The following SBF1 variants were observed in gnomAD, a reference collection of about 807,000 sequenced individuals.
SBF1 encodes the protein SET binding factor 1, also known as myotubularin-related protein 5.
SBF1 carries 65 observed loss-of-function variants against 215.8 expected under a neutral mutation model. The ratio of observed to expected loss-of-function variants is 0.30; its 90% CI spans 0.25 to 0.37. The LOEUF (loss-of-function observed/expected upper bound fraction) is 0.37. SBF1 is among the 10% of genes least tolerant of loss of function. SBF1 has a pLI of 1.00. For missense variants in SBF1, 2,634 were observed against 2,667.8 expected, an observed-to-expected ratio of 0.99 and a Z score of 0.28; for synonymous variants, 1,410 against 1,122.8, an observed-to-expected ratio of 1.26 and a Z score of -5.11.
chr22:50,454,429 G>C (rs2067164770), intron 36 of SBF1, 83 bp downstream of exon 36: 3 of 1,215,834 alleles, frequency 2.5e-6, no homozygotes, highest in East Asian at 4.6e-5. Flanking sequence ...GCATGTACGA[G>C]TGTACACACA....
At position 50,464,429 on chromosome 22, in the gene SBF1, T is replaced by G. The variant is rs1471291563; in HGVS notation, c.1649A>C (p.Glu550Ala). 2 of 1,613,538 alleles carry G rather than the reference T, an allele frequency of 1.2e-6. No individual in the cohort carries two copies. The highest frequency in any genetic ancestry group is 2.2e-5 in the South Asian group (2 of 91,064). ...PSGPPMTAILERCSGLHVNSA... is the reference protein window; with the variant it reads ...PSGPPMTAILARCSGLHVNSA... ...GTTGACATGCAGCCCACTGCACCGC[T>G]CCAGTATGGCAGCTGCGGGGACAGA... The change falls in exon 15 of 41, where the codon GAG (glutamate) becomes GCG (alanine). Residue 550 changes from glutamate (E) to alanine (A), a missense_variant. Transcript: ENST00000380817.
rs371278125 is a variant in SBF1, at chr22:50,460,314, G to T, written c.3241C>A (p.Arg1081=). The change falls in exon 25 of 41, where the codon CGG becomes AGG. Residue 1081 remains arginine (R), a synonymous_variant. Coordinates refer to ENST00000380817, the MANE Select transcript of SBF1 (RefSeq NM_002972.4). ...TGGTCCTCAGGGGGCGGCTGGCCCCGGTGCTCCCAGCTGGGGGGGTTGTAC... is the reference window on the plus strand; with the variant it reads ...TGGTCCTCAGGGGGCGGCTGGCCCCTGTGCTCCCAGCTGGGGGGGTTGTAC... The part of the protein sequence containing the change: ...KKYNPPSWEH[R]GQPPPEDQED... 6.2e-7 allele frequency: 1 copy of T among 1,612,174 alleles called. No homozygotes were observed. The highest frequency in any genetic ancestry group is 1.3e-5 in the African/African-American group (1 of 75,016).
rs2066914846 is a variant in SBF1 at position 50,448,327 on chromosome 22, T to A, written c.5269A>T (p.Ser1757Cys). The change falls in exon 38 of 41, where the codon AGT becomes TGT. Residue 1757 changes from serine (S) to cysteine (C), a missense_variant. Transcript: ENST00000380817. ...TLSLSLDSDQ[S>C]SGSTTSGSRQ... ...GAGCCGGATGTGGTTGAGCCACTAC[T>A]CTGGTCGCTGTCCAGGCTGAGGCTC... 2 of 1,613,518 alleles carry A rather than the reference T, an allele frequency of 1.2e-6. No homozygotes were observed. Among genetic ancestry groups the A allele is most frequent in the Admixed American group, 3.3e-5 (2 of 60,002 alleles).
chr22:50,461,013 G>A, intron 23 of SBF1, 146 bp downstream of exon 23: 1 of 1,116,626 alleles, frequency 9.0e-7, no homozygotes, highest in Non-Finnish European at 1.2e-6. Flanking sequence ...CAACTCAAGA[G>A]CCACAGTGAG....
intron 39 of SBF1, 33 bp from the exon 40 acceptor site, chr22:50,447,486 T>TC: frequency 1.4e-6 from 2 of 1,419,784 alleles, no homozygotes; most frequent in Non-Finnish European, 2.0e-6. Context: ...CGGAGCCCCC[T>TC]CCCCCGTGAG....
Position 50,474,441 on chromosome 22 carries a change from G to C in SBF1, c.55+345C>G, listed in dbSNP as rs557615909. On this transcript the variant is annotated intron_variant, in intron 1 of 40. Coordinates refer to ENST00000380817, the MANE Select transcript of SBF1 (RefSeq NM_002972.4). ...GAGCCCGTCCCACCCCAAGGAGGCCGGGCAGGCCGGGCCCAGCCTTCTCTC... is the reference window on the plus strand; with the variant it reads ...GAGCCCGTCCCACCCCAAGGAGGCCCGGCAGGCCGGGCCCAGCCTTCTCTC... Among the ~76,000 whole-genome samples the C allele has an allele frequency of 5.3e-5, 8 of 152,298 alleles. 1 individual carries two copies. Among genetic ancestry groups the C allele is most frequent in the African/African-American group, 1.7e-4 (7 of 41,578 alleles).
chr22:50,453,846 C>T (rs2067142690), intron 36 of SBF1, among the ~76,000 whole-genome samples: 1 of 152,098 alleles, frequency 6.6e-6, no homozygotes, highest in African/African-American at 2.4e-5. Flanking sequence ...GAGCTGAGTG[C>T]AGGTCCCCCC....
intron 28 of SBF1, among the ~76,000 whole-genome samples, chr22:50,458,364 A>C (rs1476980571): frequency 1.3e-5 from 2 of 150,596 alleles, no homozygotes; most frequent in Non-Finnish European, 3.0e-5. Flanking sequence ...CAGCTGAGTG[A>C]AGCTTGAGCC....
chr22:50,456,995 A>C, intron 29 of SBF1, 39 bp downstream of exon 29: 1 of 1,389,126 alleles, frequency 7.2e-7, no homozygotes, highest in South Asian at 1.7e-5. Context: ...GCCAGCACCA[A>C]GTAAGGGGAG....
chr22:50,446,923 T>G lies in SBF1; in HGVS notation c.*219A>C. 1 of 722,920 alleles carries G rather than the reference T, an allele frequency of 1.4e-6. No individual in the cohort carries two copies. Among genetic ancestry groups the G allele is most frequent in the Non-Finnish European group, 2.5e-6 (1 of 397,192 alleles). The allele number at this position is 722,920 out of a possible 1,614,324, so 44.8% of individuals were successfully genotyped here. A position where few individuals can be genotyped will look rare whatever the true frequency, so the allele number is the denominator to read the frequency against. The stretch of plus-strand genomic sequence containing the variant: ...TTACAGGCCCATTGCGGGCTGTACC[T>G]TGGCCACCTCCCGGCACGGTGCTCA... On this transcript the variant is annotated 3_prime_UTR_variant, in exon 41 of 41. Transcript: ENST00000380817.
At chr22:50,467,015 AC>A (rs1024988777) in intron 5 of SBF1, 3 of 566,596 alleles carry the variant, frequency 5.3e-6, no homozygotes, top group African/African-American at 3.9e-5. Flanking sequence ...CACAGGACAG[AC>A]GGGCAGAAAG....
Position 50,448,586 on chromosome 22 carries a change from C to T in SBF1, c.5108G>A (p.Arg1703Gln), listed in dbSNP as rs367954544. Reference protein sequence around the residue: ...PAERWKDTWDRVKAAQRLEGR... With the variant: ...PAERWKDTWDQVKAAQRLEGR... Reference sequence around the variant, plus strand: ...CTCGAGGCGCTGTGCAGCCTTCACCCGGTCCCAGGTGTCCTTCCAGCGCTC... The same window carrying T: ...CTCGAGGCGCTGTGCAGCCTTCACCTGGTCCCAGGTGTCCTTCCAGCGCTC... Residue 1703 changes from arginine (R) to glutamine (Q), a missense_variant, in exon 37 of 41, where the codon CGG becomes CAG. Arg to Gln is a conservative substitution (Grantham distance 43, BLOSUM62 1). Coordinates refer to ENST00000380817, the MANE Select transcript of SBF1 (RefSeq NM_002972.4). The T allele has an allele frequency of 6.8e-6, 11 of 1,611,994 alleles. No individual in the cohort carries two copies. The highest frequency in any genetic ancestry group is 2.7e-5 in the African/African-American group (2 of 74,946).
At chr22:50,469,991 C>T (rs920994015) in intron 1 of SBF1, among the ~76,000 whole-genome samples, 3 of 152,120 alleles carry the variant, frequency 2.0e-5, no homozygotes, top group Non-Finnish European at 4.4e-5. Flanking sequence ...GCTTCCTGCT[C>T]CCCTCCCCCT....
In SBF1 at chr22:50,447,132, G is replaced by A. The variant is rs1354052292; in HGVS notation, c.*10C>T. On this transcript the variant is annotated 3_prime_UTR_variant, in exon 41 of 41. Transcript: ENST00000380817. The stretch of plus-strand genomic sequence containing the variant: ...ACCGGAAGCAGAGCAGCCGGGCAGG[G>A]CTGGGAGGCTCAGGCGTCCGACAGG... 2.5e-6 allele frequency: 4 copies of A among 1,609,016 alleles called. No homozygotes were observed. The South Asian group carries it at 3.3e-5, about 13-fold the overall frequency.
At position 50,461,287 on chromosome 22, in the gene SBF1, C is replaced by A; in HGVS notation, c.2840-1G>T. The stretch of plus-strand genomic sequence containing the variant: ...GAGCGGACCACCACCTGCTCCCCAA[C>A]TTAGGACAGGCCAGGCAGAGTCAGA... On this transcript the variant is annotated splice_acceptor_variant, in intron 22 of 40. Coordinates refer to ENST00000380817, the MANE Select transcript of SBF1 (RefSeq NM_002972.4). LOFTEE classifies it high-confidence loss of function. The A allele has an allele frequency of 6.2e-7, 1 of 1,606,544 alleles. No homozygotes were observed.
intron 5 of SBF1, chr22:50,467,117 A>G (rs775437173): frequency 4.2e-5 from 25 of 596,224 alleles, no homozygotes; most frequent in African/African-American, 7.4e-5. Flanking sequence ...ACACACCATC[A>G]AAGGAGTGGA....
rs567292347 is a variant in SBF1, at chr22:50,460,429, C to A, written c.3147-21G>T. 82 of 1,604,244 alleles carry A rather than the reference C, an allele frequency of 5.1e-5. No individual in the cohort carries two copies. The South Asian group carries it at 8.9e-4, about 17-fold the overall frequency. On this transcript the variant is annotated intron_variant, in intron 24 of 40. Transcript: ENST00000380817. ...GGGTTCTGAGGCCCACGAGAGTCAG[C>A]AAAGGTGAGAGGAGGAGGGACAAAG...
At chr22:50,459,853 T>G in intron 26 of SBF1, 99 bp downstream of exon 26, 3 of 1,457,128 alleles carry the variant, frequency 2.1e-6, no homozygotes, top group Non-Finnish European at 2.8e-6. Context: ...CCCCTCCACA[T>G]TCCTTACATG....
intron 1 of SBF1, among the ~76,000 whole-genome samples, chr22:50,473,901 G>A (rs2068080522): frequency 6.6e-6 from 1 of 152,240 alleles, no homozygotes; most frequent in Admixed American, 6.5e-5. Context: ...ACAGATGGGG[G>A]CAACACCAGG....
Sources: allele counts gnomAD v4.1 joint callset (sites outside exome capture counted in the v4.1 genomes callset), GRCh38; gene constraint gnomAD v4.1.1; transcripts MANE v1.5; gene names NCBI Gene and HGNC (gene_info 2026-07-23, HGNC 2026-07-21).